SLC25A12: variants seen among roughly 807,000 people sequenced by gnomAD.
SLC25A12 encodes solute carrier family 25 member 12.
In SLC25A12, 32 loss-of-function variants were observed where a neutral mutation model predicts 83.3. That is an observed-to-expected ratio of 0.38 (90% CI 0.29 to 0.52). SLC25A12 has a LOEUF of 0.52. Among genes scored for constraint, SLC25A12 ranks in the 20% least tolerant of loss-of-function variants. SLC25A12 has a pLI of 0.84. For synonymous variants in SLC25A12, 267 were observed against 291.1 expected (o/e 0.92, Z 0.84); for missense variants, 611 against 835.6 (o/e 0.73, Z 3.31).
rs975393526 is a variant in SLC25A12 at position 171,784,315 on chromosome 2, A to T, written c.*959T>A. 6.6e-6 allele frequency: 1 copy of T among 152,280 alleles called. No individual in the cohort carries two copies. The highest frequency in any genetic ancestry group is 1.9e-4 in the East Asian group (1 of 5,206). The allele number at this position is 152,280 out of a possible 1,614,324, so 9.4% of individuals were successfully genotyped here. A position where few individuals can be genotyped will look rare whatever the true frequency, so the allele number is the denominator to read the frequency against. On this transcript the variant is annotated 3_prime_UTR_variant, in exon 18 of 18. Coordinates refer to ENST00000422440, the MANE Select transcript of SLC25A12 (RefSeq NM_003705.5). Reference sequence around the variant, plus strand: ...ATGAGTTATTTGCAATCAGTAGTCAATCAGAACAAAAAGTATTATCAGTAT... The same window carrying T: ...ATGAGTTATTTGCAATCAGTAGTCATTCAGAACAAAAAGTATTATCAGTAT...
rs375681429 is a variant in SLC25A12, at chr2:171,793,705, T to C, written c.1368A>G (p.Val456=). 5.6e-6 allele frequency: 9 copies of C among 1,614,044 alleles called. No individual in the cohort carries two copies. Among genetic ancestry groups the C allele is most frequent in the Non-Finnish European group, 5.9e-6 (7 of 1,180,026 alleles). Residue 456 remains valine (V), a synonymous_variant, in exon 14 of 18, where the codon GTA becomes GTG. Transcript: ENST00000422440. ...TGGGTCCCGTGGTGATCTCTCCAGC[T>C]ACTTGCAGACGAATCTTCACTATCT... The part of the protein sequence containing the change: ...PLEIVKIRLQ[V]AGEITTGPRV...
At chr2:171,799,454 T>C (rs1683664702) in intron 13 of SLC25A12, among the ~76,000 whole-genome samples, 1 of 152,198 alleles carries the variant, frequency 6.6e-6, no homozygotes, top group African/African-American at 2.4e-5. Context: ...CTTGGCTTGC[T>C]GAGGAAGACA....
intron 9 of SLC25A12, 52 bp downstream of exon 9, chr2:171,826,746 C>A: frequency 1.0e-6 from 1 of 995,774 alleles, no homozygotes; most frequent in Admixed American, 1.7e-5. Flanking sequence ...CCTATTTAGT[C>A]TACTAGTTCA....
intron 2 of SLC25A12, among the ~76,000 whole-genome samples, chr2:171,888,840 T>C (rs1212062328): frequency 6.6e-6 from 1 of 151,736 alleles, no homozygotes; most frequent in Non-Finnish European, 1.5e-5. Context: ...ATTTGTGAAC[T>C]TAAACAGTTA....
intron 5 of SLC25A12, among the ~76,000 whole-genome samples, chr2:171,840,101 A>G (rs993509462): frequency 1.3e-5 from 2 of 152,216 alleles, no homozygotes; most frequent in Non-Finnish European, 2.9e-5. Flanking sequence ...ATTACTCAGC[A>G]ACCAAAACAT....
At chr2:171,866,143 G>A (rs1685291461) in intron 3 of SLC25A12, among the ~76,000 whole-genome samples, 1 of 135,622 alleles carries the variant, frequency 7.4e-6, no homozygotes, top group Admixed American at 7.6e-5. Flanking sequence ...ATGTTTCAGA[G>A]AGCACAGGGT....
At chr2:171,818,398 G>A (rs904517069) in intron 9 of SLC25A12, among the ~76,000 whole-genome samples, 1 of 151,960 alleles carries the variant, frequency 6.6e-6, no homozygotes, top group Non-Finnish European at 1.5e-5. Context: ...CTAAGCATAT[G>A]TGTATGATAG....
intron 15 of SLC25A12, 142 bp downstream of exon 15, chr2:171,791,309 C>T (rs746336633): frequency 9.0e-5 from 69 of 767,614 alleles, no homozygotes; most frequent in Non-Finnish European, 1.5e-4. Flanking sequence ...CAGCACATCC[C>T]ACAAAGGAGA....
At chr2:171,820,430 T>C (rs1278936579) in intron 9 of SLC25A12, among the ~76,000 whole-genome samples, 2 of 152,032 alleles carry the variant, frequency 1.3e-5, no homozygotes, top group East Asian at 1.9e-4. Flanking sequence ...TTATGTAATA[T>C]ACAGTAAAGA....
chr2:171,829,990 A>C (rs1391159838), intron 8 of SLC25A12, among the ~76,000 whole-genome samples: 2 of 152,238 alleles, frequency 1.3e-5, no homozygotes, highest in African/African-American at 4.8e-5. Context: ...AAGGCAGTAA[A>C]TTATGATAAA....
chr2:171,856,918 A>G (rs1416773924), intron 3 of SLC25A12, among the ~76,000 whole-genome samples: 1 of 152,240 alleles, frequency 6.6e-6, no homozygotes, highest in Non-Finnish European at 1.5e-5. Flanking sequence ...TTACAAATGA[A>G]ATACATCATC....
intron 3 of SLC25A12, among the ~76,000 whole-genome samples, chr2:171,857,422 C>T (rs1433135051): frequency 5.9e-5 from 9 of 151,954 alleles, no homozygotes; most frequent in African/African-American, 1.7e-4. Flanking sequence ...CAGTAGCTCA[C>T]GCCTGTAATG....
chr2:171,849,798 C>T lies in SLC25A12; in HGVS notation c.326-5290G>A, dbSNP rs375325042. ...GTCTCGATCTCCTGACCTCGTGATC[C>T]ACCCGCCTCGGCCTCCCAAAGTGCT... On this transcript the variant is annotated intron_variant, in intron 4 of 17. Coordinates refer to ENST00000422440, the MANE Select transcript of SLC25A12 (RefSeq NM_003705.5). 6.6e-5 allele frequency among the ~76,000 whole-genome samples: 10 copies of T among 151,798 alleles called. No individual in the cohort carries two copies. The East Asian group carries it at 1.7e-3, about 26-fold the overall frequency.
chr2:171,875,709 C>T (rs1402659152), intron 2 of SLC25A12, among the ~76,000 whole-genome samples: 1 of 151,624 alleles, frequency 6.6e-6, no homozygotes, highest in African/African-American at 2.4e-5. Flanking sequence ...GTCAGGAGAT[C>T]GAGACCATCC....
intron 2 of SLC25A12, among the ~76,000 whole-genome samples, chr2:171,886,760 T>C (rs370946487): frequency 1.3e-5 from 2 of 152,314 alleles, no homozygotes; most frequent in African/African-American, 4.8e-5. Context: ...TCCGCCCACC[T>C]TGGCCTCCCA....
chr2:171,849,613 T>C (rs960759172), intron 4 of SLC25A12, among the ~76,000 whole-genome samples: 27 of 139,818 alleles, frequency 1.9e-4, no homozygotes, highest in African/African-American at 7.2e-4. Flanking sequence ...CAGGCTGGAG[T>C]GGTGCAGTGG....
chr2:171,884,196 T>G (rs1339665342), intron 2 of SLC25A12, among the ~76,000 whole-genome samples: 1 of 150,312 alleles, frequency 6.7e-6, no homozygotes, highest in Non-Finnish European at 1.5e-5. Context: ...TGGGCTTTTT[T>G]TTTTTTCCCC....
intron 13 of SLC25A12, among the ~76,000 whole-genome samples, chr2:171,803,857 A>T (rs965908684): frequency 5.3e-5 from 8 of 152,090 alleles, no homozygotes; most frequent in African/African-American, 1.9e-4. Flanking sequence ...ACTAGCAAAG[A>T]TGTAGAGAAA....
At chr2:171,804,701 C>T (rs1683786230) in intron 13 of SLC25A12, among the ~76,000 whole-genome samples, 1 of 152,146 alleles carries the variant, frequency 6.6e-6, no homozygotes, top group Admixed American at 6.6e-5. Flanking sequence ...TGCTTGAGGC[C>T]AGGAGCTCAA....
Sources: allele counts gnomAD v4.1 joint callset (sites outside exome capture counted in the v4.1 genomes callset), GRCh38; gene constraint gnomAD v4.1.1; transcripts MANE v1.5; gene names NCBI Gene and HGNC (gene_info 2026-07-23, HGNC 2026-07-21).